ARB2A: variants seen among roughly 807,000 people sequenced by gnomAD.
The protein encoded by ARB2A is ARB2 cotranscriptional regulator A, also known as cotranscriptional regulator ARB2A.
the ARB2A span, among the ~76,000 whole-genome samples, chr5:93,865,047 T>C: frequency 2.0e-5 from 3 of 152,236 alleles, no homozygotes; most frequent in Non-Finnish European, 2.9e-5. Context: ...ACATCTTCAG[T>C]TTCAAGACAC....
chr5:93,959,073 T>C, the ARB2A span: 2 of 690,958 alleles, frequency 2.9e-6, no homozygotes, highest in African/African-American at 1.8e-5. Flanking sequence ...ATGGTTACTA[T>C]AGAATTATAG....
At chr5:93,778,567 C>T in the ARB2A span, among the ~76,000 whole-genome samples, 14 of 151,912 alleles carry the variant, frequency 9.2e-5, no homozygotes, top group Non-Finnish European at 2.1e-4. Flanking sequence ...TTTTTTTAAA[C>T]AATTCAGTCT....
At chr5:93,976,917 G>A in the ARB2A span, among the ~76,000 whole-genome samples, 1,747 of 151,816 alleles carry the variant, frequency 0.012, 35 homozygotes, top group African/African-American at 0.04. Context: ...CTCTCAGGAC[G>A]GAAAATCGAA....
chr5:93,873,306 G>T, the ARB2A span, among the ~76,000 whole-genome samples: 2 of 53,552 alleles, frequency 3.7e-5, no homozygotes, highest in African/African-American at 1.6e-4. Context: ...AAAAAAGGGG[G>T]GGGGGAAAGA....
At chr5:93,828,851 AC>A in the ARB2A span, among the ~76,000 whole-genome samples, 3 of 152,076 alleles carry the variant, frequency 2.0e-5, no homozygotes, top group African/African-American at 7.2e-5. Context: ...ATCTTGGCTC[AC>A]TGCAACCTCT....
the ARB2A span, among the ~76,000 whole-genome samples, chr5:93,692,065 A>AAAAACATACCAAATTGT: frequency 4.6e-5 from 7 of 152,236 alleles, no homozygotes; most frequent in African/African-American, 1.4e-4. Flanking sequence ...CTACCACTGC[A>AAAAACATACCAAATTGT]AAAACATACC....
At chr5:93,733,129 T>C in the ARB2A span, 4 of 152,128 alleles carry the variant, frequency 2.6e-5, no homozygotes, top group Admixed American at 2.6e-4. Flanking sequence ...TGTTAAACTT[T>C]TTAAAAAATT....
chr5:93,998,636 T>C, the ARB2A span, among the ~76,000 whole-genome samples: 16 of 152,040 alleles, frequency 1.1e-4, no homozygotes, highest in Admixed American at 2.0e-4. Flanking sequence ...TTAATTTTAA[T>C]AATCAAATTC....
At chr5:93,688,110 A>C in the ARB2A span, among the ~76,000 whole-genome samples, 1 of 152,090 alleles carries the variant, frequency 6.6e-6, no homozygotes, top group Non-Finnish European at 1.5e-5. Context: ...AGTAGCTGGG[A>C]ATACAGGCGT....
At chr5:93,696,690 T>A in the ARB2A span, among the ~76,000 whole-genome samples, 1 of 152,152 alleles carries the variant, frequency 6.6e-6, no homozygotes, top group Non-Finnish European at 1.5e-5. Context: ...TAGAAGTGTT[T>A]TTTTTGGTAT....
the ARB2A span, among the ~76,000 whole-genome samples, chr5:93,866,546 G>T: frequency 6.6e-6 from 1 of 152,150 alleles, no homozygotes; most frequent in Non-Finnish European, 1.5e-5. Flanking sequence ...GGGATGAACT[G>T]TGTGGGTCCA....
the ARB2A span, among the ~76,000 whole-genome samples, chr5:94,054,924 G>T: frequency 6.6e-6 from 1 of 152,066 alleles, no homozygotes; most frequent in African/African-American, 2.4e-5. Context: ...CTCCTTTTTA[G>T]ATGTCTCCTG....
At chr5:93,637,363 T>TTTTG in the ARB2A span, among the ~76,000 whole-genome samples, 78 of 149,784 alleles carry the variant, frequency 5.2e-4, no homozygotes, top group African/African-American at 1.9e-3. Flanking sequence ...AGTTTTTTTT[T>TTTTG]TTTTTTTTTT....
chr5:93,954,586 C>T, the ARB2A span, among the ~76,000 whole-genome samples: 2 of 151,776 alleles, frequency 1.3e-5, no homozygotes, highest in Admixed American at 1.3e-4. Flanking sequence ...AGCTGTGTTG[C>T]CTGGGTTGGG....
chr5:94,096,239 C>T, the ARB2A span, among the ~76,000 whole-genome samples: 36 of 152,300 alleles, frequency 2.4e-4, no homozygotes, highest in African/African-American at 8.7e-4. Context: ...TTACTTGCCT[C>T]ATCTTAGATT....
At chr5:93,781,819 T>G in the ARB2A span, 2 of 892,604 alleles carry the variant, frequency 2.2e-6, no homozygotes, top group African/African-American at 3.6e-5. Context: ...GCCACTTACA[T>G]GTATCACATT....
the ARB2A span, chr5:93,683,792 G>A: frequency 2.6e-5 from 34 of 1,320,696 alleles, no homozygotes; most frequent in East Asian, 9.2e-5. Flanking sequence ...GAACAGCCGC[G>A]CAGGACGGAA....
At chr5:93,777,501 GATT>G in the ARB2A span, among the ~76,000 whole-genome samples, 1 of 151,688 alleles carries the variant, frequency 6.6e-6, no homozygotes, top group Non-Finnish European at 1.5e-5. Context: ...AAAAATATGT[GATT>G]ATCATCATAT....
chr5:94,078,264 G>T, the ARB2A span, among the ~76,000 whole-genome samples: 1 of 152,130 alleles, frequency 6.6e-6, no homozygotes, highest in African/African-American at 2.4e-5. Flanking sequence ...CCCAGGACTG[G>T]TTTGGTTCCA....
Sources: allele counts gnomAD v4.1 joint callset (sites outside exome capture counted in the v4.1 genomes callset), GRCh38; gene constraint gnomAD v4.1.1; transcripts MANE v1.5; gene names NCBI Gene and HGNC (gene_info 2026-07-23, HGNC 2026-07-21).